The following ASPRV1 variants were observed in gnomAD, a reference collection of about 807,000 sequenced individuals.
The protein encoded by ASPRV1 is aspartic peptidase retroviral like 1.
In ASPRV1, 7 loss-of-function variants were observed where a neutral mutation model predicts 11.0. The ratio of observed to expected loss-of-function variants is 0.64; its 90% CI spans 0.36 to 1.20. The LOEUF is 1.20. Among genes scored for constraint, ASPRV1 ranks in the 50% most tolerant of loss-of-function variants. ASPRV1 has a pLI of 0.02. For missense variants in ASPRV1, 299 were observed against 320.0 expected (o/e 0.93, Z 0.50); for synonymous variants, 136 against 138.4 (o/e 0.98, Z 0.12).
the ASPRV1 span, among the ~76,000 whole-genome samples, chr2:69,952,589 GAAAAGAAAAGA>G: frequency 6.6e-6 from 1 of 151,310 alleles, no homozygotes; most frequent in African/African-American, 2.4e-5. Context: ...GGGAAGGGAA[GAAAAGAAAAGA>G]AAAAGAAAAG....
At chr2:70,082,613 G>C in the ASPRV1 span, among the ~76,000 whole-genome samples, 3 of 152,228 alleles carry the variant, frequency 2.0e-5, no homozygotes, top group Non-Finnish European at 1.5e-5. Context: ...AAGAGGCTGA[G>C]GCAGGAGAAT....
At chr2:69,966,869 T>TG in the ASPRV1 span, among the ~76,000 whole-genome samples, 1 of 151,786 alleles carries the variant, frequency 6.6e-6, no homozygotes, top group Non-Finnish European at 1.5e-5. Flanking sequence ...ATACAGAAGA[T>TG]GGGGGGCGGC....
chr2:69,976,982 A>T, the ASPRV1 span, among the ~76,000 whole-genome samples: 1 of 152,122 alleles, frequency 6.6e-6, no homozygotes. Flanking sequence ...GCCTGAGGTC[A>T]GGAGTTCGAG....
chr2:69,993,036 G>A, the ASPRV1 span, among the ~76,000 whole-genome samples: 7 of 152,272 alleles, frequency 4.6e-5, no homozygotes, highest in East Asian at 5.8e-4. Context: ...CTCACTGATT[G>A]AAGCACCCCT....
chr2:69,941,962 T>TC, the ASPRV1 span: 1 of 152,110 alleles, frequency 6.6e-6, no homozygotes, highest in African/African-American at 2.4e-5. Flanking sequence ...GTCTATTTCT[T>TC]CCCCCAAGTC....
chr2:69,985,495 GTTTC>G, the ASPRV1 span, among the ~76,000 whole-genome samples: 40 of 152,162 alleles, frequency 2.6e-4, no homozygotes, highest in African/African-American at 8.9e-4. Flanking sequence ...AAGCCTTTGG[GTTTC>G]TTTGTGTCCT....
the ASPRV1 span, among the ~76,000 whole-genome samples, chr2:69,994,722 G>C: frequency 6.6e-6 from 1 of 152,168 alleles, no homozygotes; most frequent in African/African-American, 2.4e-5. Context: ...AATAGGACAG[G>C]TGCAGTGGCT....
chr2:70,041,223 C>T, the ASPRV1 span, among the ~76,000 whole-genome samples: 1 of 152,210 alleles, frequency 6.6e-6, no homozygotes, highest in African/African-American at 2.4e-5. Context: ...AAGACACATA[C>T]ATGAGGGTCT....
chr2:69,996,663 A>G, the ASPRV1 span: 1 of 454,856 alleles, frequency 2.2e-6, no homozygotes, highest in Non-Finnish European at 4.4e-6. Context: ...TGAGAGAGGC[A>G]CTGGAATGAC....
the ASPRV1 span, among the ~76,000 whole-genome samples, chr2:70,077,831 GACA>G: frequency 5.3e-5 from 8 of 151,452 alleles, no homozygotes; most frequent in South Asian, 1.0e-3. Context: ...CTCCAGCCTG[GACA>G]ACAAGAGCGA....
chr2:69,938,321 C>G, the ASPRV1 span: 10 of 1,605,702 alleles, frequency 6.2e-6, no homozygotes, highest in Non-Finnish European at 8.5e-6. Flanking sequence ...TGAAGGTTCT[C>G]CCTGTTGGTT....
the ASPRV1 span, among the ~76,000 whole-genome samples, chr2:70,040,934 C>T: frequency 7.2e-5 from 11 of 152,180 alleles, no homozygotes; most frequent in Non-Finnish European, 5.9e-5. Flanking sequence ...CCATTTCAAG[C>T]CCTCTTCCCA....
the ASPRV1 span, among the ~76,000 whole-genome samples, chr2:70,047,751 G>A: frequency 6.6e-6 from 1 of 152,190 alleles, no homozygotes; most frequent in Admixed American, 6.5e-5. Flanking sequence ...CTCCCGAGAG[G>A]AGTTTCTGAT....
the ASPRV1 span, among the ~76,000 whole-genome samples, chr2:69,943,340 G>GTT: frequency 2.0e-3 from 305 of 152,324 alleles, 1 homozygote; most frequent in African/African-American, 6.8e-3. Context: ...AGTGTAATTA[G>GTT]TTGTGGAATA....
the ASPRV1 span, chr2:70,049,934 G>C: frequency 1.3e-5 from 2 of 152,182 alleles, no homozygotes; most frequent in African/African-American, 4.8e-5. Flanking sequence ...CAGATTAAAG[G>C]TTCTTGCTCT....
chr2:69,990,340 T>C, the ASPRV1 span, among the ~76,000 whole-genome samples: 1 of 152,020 alleles, frequency 6.6e-6, no homozygotes, highest in Non-Finnish European at 1.5e-5. Flanking sequence ...CCCGCCACCA[T>C]GTCCGGCTAA....
At chr2:70,083,000 AAG>A in the ASPRV1 span, among the ~76,000 whole-genome samples, 20 of 152,212 alleles carry the variant, frequency 1.3e-4, no homozygotes, top group African/African-American at 4.8e-4. Flanking sequence ...CAGAGAACAT[AAG>A]AGTCTTATTG....
At chr2:69,982,353 G>A in the ASPRV1 span, among the ~76,000 whole-genome samples, 45 of 152,182 alleles carry the variant, frequency 3.0e-4, no homozygotes, top group Non-Finnish European at 4.9e-4. Context: ...CTACTTGGGA[G>A]GCTGAGGAGG....
At chr2:70,066,243 A>G in the ASPRV1 span, among the ~76,000 whole-genome samples, 1 of 146,090 alleles carries the variant, frequency 6.8e-6, no homozygotes, top group Non-Finnish European at 1.5e-5. Context: ...CACTAACATC[A>G]TTTTTTTTTT....
Sources: gnomAD v4.1 joint callset for allele counts (sites outside exome capture counted in the v4.1 genomes callset) on GRCh38, gnomAD v4.1.1 for gene constraint, MANE v1.5 for transcripts, NCBI Gene and HGNC (gene_info 2026-07-23, HGNC 2026-07-21) for gene names.